The following CEP70 variants were observed in gnomAD, a reference collection of about 807,000 sequenced individuals.
The protein encoded by CEP70 is centrosomal protein of 70 kDa.
Under a neutral mutation model 90.9 loss-of-function variants are expected in CEP70, and 70 were observed. The ratio of observed to expected loss-of-function variants is 0.77; its 90% CI spans 0.64 to 0.94. CEP70 has a LOEUF of 0.94. CEP70 is among the 40% of genes least tolerant of loss of function. CEP70 has a pLI of 0.00. For missense variants in CEP70, 648 were observed against 669.0 expected (o/e 0.97, Z 0.35); for synonymous variants, 220 against 228.3 (o/e 0.96, Z 0.33).
chr3:138,507,674 A>G (rs1391640604), intron 12 of CEP70, among the ~76,000 whole-genome samples: 2 of 152,208 alleles, frequency 1.3e-5, no homozygotes, highest in Admixed American at 1.3e-4. Context: ...ACAAATGCCC[A>G]GAGAATTCAG....
At chr3:138,552,080 G>T (rs958212191) in intron 6 of CEP70, among the ~76,000 whole-genome samples, 2 of 151,932 alleles carry the variant, frequency 1.3e-5, no homozygotes, top group African/African-American at 2.4e-5. Flanking sequence ...AGACAAACAG[G>T]GACATTATAT....
rs139421091 is a variant in CEP70 at position 138,516,133 on chromosome 3, A to G, written c.945-7589T>C. Among the ~76,000 whole-genome samples, 436 of 152,288 alleles carry G rather than the reference A, an allele frequency of 2.9e-3. 4 individuals carry two copies. The highest frequency in any genetic ancestry group is 0.01 in the African/African-American group (420 of 41,552). The stretch of plus-strand genomic sequence containing the variant: ...ATTGTACGTTTAGTACTTATAGCAT[A>G]TCGAAATTGTCTTATTTTTTCATTA... On this transcript the variant is annotated intron_variant, in intron 11 of 17. Coordinates refer to ENST00000264982, the MANE Select transcript of CEP70 (RefSeq NM_024491.4).
chr3:138,551,640 G>A (rs1325103727), intron 6 of CEP70, among the ~76,000 whole-genome samples: 1 of 151,870 alleles, frequency 6.6e-6, no homozygotes, highest in Non-Finnish European at 1.5e-5. Flanking sequence ...CAGCTACTCA[G>A]GAGGCTGAGG....
In CEP70 at chr3:138,570,324, A is replaced by C; in HGVS notation, c.459T>G (p.Thr153=). 1 of 1,572,484 alleles carries C rather than the reference A, an allele frequency of 6.4e-7. No homozygotes were observed. Among genetic ancestry groups the C allele is most frequent in the East Asian group, 2.4e-5 (1 of 42,498 alleles). The change falls in exon 6 of 18, where the codon ACT becomes ACG. Residue 153 remains threonine (T), a synonymous_variant. Coordinates refer to ENST00000264982, the MANE Select transcript of CEP70 (RefSeq NM_024491.4). ...KIKDLQKEQK[T]LQVKCQHYKK... ...AGAATTCATAACTCAGTACCTGTAA[A>C]GTTTTCTGCTCCTTTTGAAGATCTT...
intron 11 of CEP70, among the ~76,000 whole-genome samples, chr3:138,509,226 G>C (rs1032157698): frequency 2.6e-5 from 4 of 152,080 alleles, no homozygotes; most frequent in African/African-American, 9.7e-5. Context: ...TCCATCCAAC[G>C]TGCTCCAAGA....
At position 138,591,853 on chromosome 3, in the gene CEP70, C is replaced by T. The variant is rs918284423; in HGVS notation, c.-6+1G>A. 1.3e-5 allele frequency: 20 copies of T among 1,529,610 alleles called. No homozygotes were observed. The Admixed American group carries it at 2.6e-4, about 20-fold the overall frequency. 94.8% of individuals were successfully genotyped at this position (1,529,610 alleles called of 1,614,324 possible). On this transcript the variant is annotated splice_donor_variant, in intron 2 of 17. Coordinates refer to ENST00000264982, the MANE Select transcript of CEP70 (RefSeq NM_024491.4). LOFTEE classifies it low-confidence loss of function (5UTR_SPLICE). ...GGAGTCATCCGTTACATTAGACATA[C>T]CTCAGTCATAGCATATTACTCTTGC...
intron 15 of CEP70, 52 bp downstream of exon 15, chr3:138,500,347 A>G (rs1289908160): frequency 1.2e-5 from 18 of 1,531,238 alleles, no homozygotes; most frequent in Non-Finnish European, 1.6e-5. Context: ...CTTTTTGTTA[A>G]TTTATTAAAA....
intron 6 of CEP70, among the ~76,000 whole-genome samples, chr3:138,560,724 T>A (rs1042336456): frequency 6.6e-6 from 1 of 151,894 alleles, no homozygotes; most frequent in Admixed American, 6.6e-5. Flanking sequence ...TGAGTAGCAG[T>A]TTTACTCACA....
At chr3:138,568,989 AC>A (rs1190422493) in intron 6 of CEP70, among the ~76,000 whole-genome samples, 9 of 149,870 alleles carry the variant, frequency 6.0e-5, no homozygotes, top group Non-Finnish European at 8.8e-5. Context: ...GTCTAAAAAA[AC>A]AAACAAAAAA....
chr3:138,521,761 G>A (rs1397870918), intron 11 of CEP70, among the ~76,000 whole-genome samples: 14 of 152,264 alleles, frequency 9.2e-5, no homozygotes, highest in Admixed American at 2.6e-4. Flanking sequence ...CCTTCTGCCC[G>A]GCCGCCACCC....
At chr3:138,496,416 G>T in intron 17 of CEP70, 1 of 985,370 alleles carries the variant, frequency 1.0e-6, no homozygotes, top group Non-Finnish European at 1.2e-6. Flanking sequence ...CTACAACAGA[G>T]AATTTGTTTA....
chr3:138,524,654 C>T (rs570929238), intron 11 of CEP70, among the ~76,000 whole-genome samples: 1,531 of 152,210 alleles, frequency 0.01, 32 homozygotes, highest in African/African-American at 0.035. Context: ...CCAAAAGACA[C>T]GTGAAAAAAT....
rs7641232 is a variant in CEP70 at position 138,591,217 on chromosome 3, C to A, written c.-6+637G>T. ...GACCTTATGTGACAGGTCACAGTCA[C>A]AACTTCATTTCATGCATAAAACTAT... is the stretch of plus-strand genomic sequence containing the variant. On this transcript the variant is annotated intron_variant, in intron 2 of 17. Coordinates refer to ENST00000264982, the MANE Select transcript of CEP70 (RefSeq NM_024491.4). Among the ~76,000 whole-genome samples the A allele has an allele frequency of 5.6e-3, 856 of 152,212 alleles. 7 individuals carry two copies. The highest frequency in any genetic ancestry group is 0.02 in the African/African-American group (824 of 41,508).
Position 138,500,825 on chromosome 3 carries a change from C to T in CEP70, c.1278G>A (p.Leu426=), listed in dbSNP as rs867427641. ...LSAELVPWLN[L]KKQDENEGIK... ...TACCTTCATTTTCATCCTGCTTCTT[C>T]AAATTAAGCCAAGGTACCAGTTCTG... Residue 426 remains leucine (L), a synonymous_variant, in exon 14 of 18, where the codon TTG becomes TTA. Transcript: ENST00000264982. 6.2e-7 allele frequency: 1 copy of T among 1,606,436 alleles called. No individual in the cohort carries two copies.
chr3:138,588,743 A>G (rs145987438), intron 2 of CEP70, among the ~76,000 whole-genome samples: 214 of 152,334 alleles, frequency 1.4e-3, no homozygotes, highest in African/African-American at 5.0e-3. Flanking sequence ...TTTACCCAAG[A>G]GAAATGAAAG....
chr3:138,560,109 C>T (rs2040290222), intron 6 of CEP70, among the ~76,000 whole-genome samples: 1 of 152,208 alleles, frequency 6.6e-6, no homozygotes, highest in Non-Finnish European at 1.5e-5. Flanking sequence ...TGCAGCTCCC[C>T]AGCGAGATCG....
At chr3:138,578,698 G>A (rs1376380188) in intron 2 of CEP70, among the ~76,000 whole-genome samples, 1 of 152,196 alleles carries the variant, frequency 6.6e-6, no homozygotes, top group East Asian at 1.9e-4. Flanking sequence ...CAAGATGTTA[G>A]AAAAGCTTTC....
intron 2 of CEP70, among the ~76,000 whole-genome samples, chr3:138,574,480 T>C (rs2041382567): frequency 6.6e-6 from 1 of 152,232 alleles, no homozygotes; most frequent in African/African-American, 2.4e-5. Context: ...CAAAGAGGCC[T>C]GCCTGCCTCT....
Position 138,538,399 on chromosome 3 carries a change from A to G in CEP70, c.466-1052T>C, listed in dbSNP as rs545300271. On this transcript the variant is annotated intron_variant, in intron 6 of 17. Transcript: ENST00000264982. ...CCATTTGGGATCTCCCCAACCTAGT[A>G]CCATCAGCACTCTGAATGCTTGCCA... Among the ~76,000 whole-genome samples, 13 of 152,276 alleles carry G rather than the reference A, an allele frequency of 8.5e-5. No individual in the cohort carries two copies. In the East Asian group the frequency reaches 1.5e-3, roughly 18 times the overall value.
Sources: allele counts gnomAD v4.1 joint callset (sites outside exome capture counted in the v4.1 genomes callset), GRCh38; gene constraint gnomAD v4.1.1; transcripts MANE v1.5; gene names NCBI Gene and HGNC (gene_info 2026-07-23, HGNC 2026-07-21).